THSD7A: variants seen among roughly 807,000 people sequenced by gnomAD.
The protein encoded by THSD7A is thrombospondin type-1 domain-containing protein 7A.
A neutral mutation model predicts 231.3 loss-of-function variants in THSD7A; 96 were observed. That is an observed-to-expected ratio of 0.41 (90% CI 0.35 to 0.49). The LOEUF is 0.49. Ranked by LOEUF, THSD7A falls within the 20% of genes least tolerant of loss-of-function variation. The pLI is 0.05. For missense variants in THSD7A, 2,290 were observed against 2,070.2 expected, an observed-to-expected ratio of 1.11 and a Z score of -2.06; for synonymous variants, 940 against 743.3, an observed-to-expected ratio of 1.26 and a Z score of -4.30.
intron 2 of THSD7A, among the ~76,000 whole-genome samples, chr7:11,606,768 A>G (rs961342245): frequency 6.6e-6 from 1 of 152,100 alleles, no homozygotes; most frequent in Non-Finnish European, 1.5e-5. Flanking sequence ...AGAGTAAAAT[A>G]TTCATTTTGT....
intron 27 of THSD7A, among the ~76,000 whole-genome samples, chr7:11,376,174 T>C (rs1373699132): frequency 6.6e-6 from 1 of 152,088 alleles, no homozygotes; most frequent in Non-Finnish European, 1.5e-5. Context: ...GTCATTTTCA[T>C]TTGGCCAGAA....
At chr7:11,381,531 C>A (rs1237372899) in intron 24 of THSD7A, among the ~76,000 whole-genome samples, 5 of 152,136 alleles carry the variant, frequency 3.3e-5, no homozygotes, top group African/African-American at 1.2e-4. Flanking sequence ...AATTTCTAAA[C>A]AAACATCACT....
chr7:11,424,976 G>C, intron 15 of THSD7A, 147 bp from the exon 16 acceptor site: 1 of 977,706 alleles, frequency 1.0e-6, no homozygotes, highest in South Asian at 1.7e-5. Context: ...GCAATAGAGA[G>C]AACTCAAGAG....
intron 1 of THSD7A, among the ~76,000 whole-genome samples, chr7:11,730,178 C>A (rs548461518): frequency 1.5e-4 from 23 of 151,456 alleles, no homozygotes; most frequent in Non-Finnish European, 1.6e-4. Context: ...GAACTCAGAA[C>A]CAGAACTTTG....
At position 11,567,571 on chromosome 7, in the gene THSD7A, G is replaced by C. The variant is rs572696437; in HGVS notation, c.1453+22889C>G. 1.2e-3 allele frequency among the ~76,000 whole-genome samples: 179 copies of C among 152,226 alleles called. 1 individual carries two copies. In the Middle Eastern group the frequency reaches 0.017, roughly 14 times the overall value. ...CAAATAGAGCAATAATTCTCACCCTGGGCCATAACTGGAATCACCTGGAGA... is the reference window on the plus strand; with the variant it reads ...CAAATAGAGCAATAATTCTCACCCTCGGCCATAACTGGAATCACCTGGAGA... On this transcript the variant is annotated intron_variant, in intron 4 of 27. Transcript: ENST00000423059.
intron 1 of THSD7A, among the ~76,000 whole-genome samples, chr7:11,702,821 C>G (rs1401394422): frequency 2.0e-5 from 3 of 151,132 alleles, no homozygotes; most frequent in Non-Finnish European, 4.4e-5. Context: ...CTGACTCCTG[C>G]TAAGTATTCA....
chr7:11,588,127 T>C (rs552867652), intron 4 of THSD7A, among the ~76,000 whole-genome samples: 1 of 152,312 alleles, frequency 6.6e-6, no homozygotes, highest in Non-Finnish European at 1.5e-5. Flanking sequence ...TTTTATAAGA[T>C]AAGCTTTACA....
chr7:11,379,014 G>A, intron 26 of THSD7A, 56 bp downstream of exon 26: 1 of 1,536,940 alleles, frequency 6.5e-7, no homozygotes, highest in African/African-American at 1.4e-5. Flanking sequence ...TTAATCCTTT[G>A]GCATTGCCTA....
At chr7:11,408,482 A>G (rs1783663628) in intron 19 of THSD7A, among the ~76,000 whole-genome samples, 1 of 150,232 alleles carries the variant, frequency 6.7e-6, no homozygotes. Context: ...TGGGCAATAG[A>G]GCAAGACTCT....
At chr7:11,680,858 C>T (rs1222565360) in intron 1 of THSD7A, among the ~76,000 whole-genome samples, 2 of 151,928 alleles carry the variant, frequency 1.3e-5, no homozygotes, top group Admixed American at 6.6e-5. Flanking sequence ...CGAGTGTATA[C>T]CTAAAGAATT....
In THSD7A at chr7:11,371,064, C is replaced by T. The variant is rs1416598412; in HGVS notation, c.*4730G>A. The T allele has an allele frequency of 6.6e-6, 1 of 152,110 alleles. No individual in the cohort carries two copies. Among genetic ancestry groups the T allele is most frequent in the Non-Finnish European group, 1.5e-5 (1 of 68,008 alleles). 9.4% of individuals were successfully genotyped at this position (152,110 alleles called of 1,614,324 possible). On this transcript the variant is annotated 3_prime_UTR_variant, in exon 28 of 28. Transcript: ENST00000423059. ...ATTTTTGATCACTGAAAACATGACT[C>T]CCACAAACTAAAGCTCTTCATATAC...
intron 1 of THSD7A, among the ~76,000 whole-genome samples, chr7:11,716,544 C>G (rs1029910177): frequency 1.3e-5 from 2 of 151,578 alleles, no homozygotes; most frequent in Non-Finnish European, 3.0e-5. Flanking sequence ...GCTTTGGTAA[C>G]TTGGAACTCA....
At chr7:11,770,840 T>C (rs1350235405) in intron 1 of THSD7A, among the ~76,000 whole-genome samples, 2 of 152,138 alleles carry the variant, frequency 1.3e-5, no homozygotes, top group Non-Finnish European at 2.9e-5. Flanking sequence ...TAGAAGTATT[T>C]ATGGTAAGTA....
intron 1 of THSD7A, among the ~76,000 whole-genome samples, chr7:11,770,597 T>A (rs1583276312): frequency 6.6e-6 from 1 of 152,192 alleles, no homozygotes; most frequent in Admixed American, 6.5e-5. Flanking sequence ...ACAACTTCTT[T>A]GAAATCTCTC....
chr7:11,626,141 A>G (rs1781466911), intron 2 of THSD7A, among the ~76,000 whole-genome samples: 1 of 152,156 alleles, frequency 6.6e-6, no homozygotes, highest in Non-Finnish European at 1.5e-5. Flanking sequence ...GGTTTAAAAT[A>G]CTACCTAGGA....
At chr7:11,625,611 G>C (rs1781450393) in intron 2 of THSD7A, among the ~76,000 whole-genome samples, 1 of 151,928 alleles carries the variant, frequency 6.6e-6, no homozygotes, top group African/African-American at 2.4e-5. Context: ...GTGAGTAGAG[G>C]CCTAAAAAGA....
chr7:11,687,458 C>T (rs939741228), intron 1 of THSD7A, among the ~76,000 whole-genome samples: 1 of 151,812 alleles, frequency 6.6e-6, no homozygotes, highest in African/African-American at 2.4e-5. Flanking sequence ...CTTATTGTCA[C>T]ACACGGCTTC....
At chr7:11,543,193 T>G (rs748220854) in intron 4 of THSD7A, 76 bp from the exon 5 acceptor site, 2 of 1,390,396 alleles carry the variant, frequency 1.4e-6, no homozygotes, top group Non-Finnish European at 2.0e-6. Flanking sequence ...TTTTTCTGTG[T>G]GTATGGAAAA....
At chr7:11,574,044 G>A (rs938912023) in intron 4 of THSD7A, among the ~76,000 whole-genome samples, 4 of 152,148 alleles carry the variant, frequency 2.6e-5, no homozygotes, top group African/African-American at 9.7e-5. Context: ...GCATACCTGA[G>A]TGTTATGATT....
Sources: gnomAD v4.1 joint callset for allele counts (sites outside exome capture counted in the v4.1 genomes callset) on GRCh38, gnomAD v4.1.1 for gene constraint, MANE v1.5 for transcripts, NCBI Gene and HGNC (gene_info 2026-07-23, HGNC 2026-07-21) for gene names.